Variants in ABHD17A observed in about 807,000 individuals in gnomAD.
ABHD17A encodes the protein alpha/beta hydrolase domain-containing protein 17A.
Under a neutral mutation model 26.8 loss-of-function variants are expected in ABHD17A, and 10 were observed. That is an observed-to-expected ratio of 0.37 (90% CI 0.23 to 0.63). The LOEUF (loss-of-function observed/expected upper bound fraction) is 0.63, where lower values mean the gene tolerates loss of function less well. Among genes scored for constraint, ABHD17A ranks in the 30% least tolerant of loss-of-function variants. The pLI is 0.61. For synonymous variants in ABHD17A, 167 were observed against 210.9 expected (o/e 0.79, Z 1.80); for missense variants, 292 against 457.3 (o/e 0.64, Z 3.30).
At chr19:1,878,626 C>G (rs879357488) in intron 3 of ABHD17A, 3 of 152,398 alleles carry the variant, frequency 2.0e-5, no homozygotes, top group Non-Finnish European at 4.4e-5. Context: ...GGCCTGGAAT[C>G]CCAGCCTCCT....
At chr19:1,884,610 G>A (rs1284818424) in intron 1 of ABHD17A, among the ~76,000 whole-genome samples, 1 of 152,152 alleles carries the variant, frequency 6.6e-6, no homozygotes, top group Non-Finnish European at 1.5e-5. Flanking sequence ...CCTGGGGGGA[G>A]GCGCGGCCAT....
Position 1,881,786 on chromosome 19 carries a change from T to C in ABHD17A, c.-220A>G, listed in dbSNP as rs946783208. ...GGAGCCTCGCAACCACAGGTCTCCA[T>C]GTCGTGCCGTGGGAAGCCCTGCGGG... On this transcript the variant is annotated 5_prime_UTR_variant, in exon 2 of 5. It removes an upstream start codon present in the reference 5' UTR. Transcript: ENST00000292577. 5 of 570,672 alleles carry C rather than the reference T, an allele frequency of 8.8e-6. No individual in the cohort carries two copies. The highest frequency in any genetic ancestry group is 1.4e-5 in the Non-Finnish European group (5 of 357,030). The allele number at this position is 570,672 out of a possible 1,614,324, so 35.4% of individuals were successfully genotyped here.
In ABHD17A at chr19:1,879,868, CT is replaced by C; in HGVS notation, c.527+52del. On this transcript the variant is annotated intron_variant, in intron 3 of 4. Transcript: ENST00000292577. The surrounding 1 kb of genome is among the most constrained non-coding windows in gnomAD (Gnocchi z 7.6). ...GGAAGCCCGCCCCCCGGCCCCCCGC[CT>C]GGTCCCCTCTTGGGTGTGCCCAGGC... 6.6e-7 allele frequency: 1 copy of C among 1,523,334 alleles called. No homozygotes were observed. Among genetic ancestry groups the C allele is most frequent in the Non-Finnish European group, 8.8e-7 (1 of 1,133,102 alleles). 94.4% of individuals were successfully genotyped at this position (1,523,334 alleles called of 1,614,324 possible).
At position 1,881,644 on chromosome 19, in the gene ABHD17A, G is replaced by C. The variant is rs1460145387; in HGVS notation, c.-78C>G. 2.1e-6 allele frequency: 3 copies of C among 1,416,728 alleles called. No homozygotes were observed. The highest frequency in any genetic ancestry group is 1.8e-6 in the Non-Finnish European group (2 of 1,095,876). 87.8% of individuals were successfully genotyped at this position (1,416,728 alleles called of 1,614,324 possible). On this transcript the variant is annotated 5_prime_UTR_variant, in exon 2 of 5. Transcript: ENST00000292577. ...CCCGGCCTGGCCCGGCAGGGGAGGG[G>C]TGGGGGTGCTCCGAGTCGCGGGCAG... is the stretch of plus-strand genomic sequence containing the variant.
In ABHD17A at chr19:1,881,634, C is replaced by G. The variant is rs376070469; in HGVS notation, c.-68G>C. On this transcript the variant is annotated 5_prime_UTR_variant, in exon 2 of 5. Transcript: ENST00000292577. ...AACAACGCCGCCCGGCCTGGCCCGG[C>G]AGGGGAGGGGTGGGGGTGCTCCGAG... 2.8e-6 allele frequency: 4 copies of G among 1,430,752 alleles called. No individual in the cohort carries two copies. Among genetic ancestry groups the G allele is most frequent in the Non-Finnish European group, 3.6e-6 (4 of 1,101,830 alleles). 88.6% of individuals were successfully genotyped at this position (1,430,752 alleles called of 1,614,324 possible).
At chr19:1,881,197 C>T (rs777156213) in intron 2 of ABHD17A, 38 bp downstream of exon 2, 8 of 1,608,620 alleles carry the variant, frequency 5.0e-6, no homozygotes, top group Middle Eastern at 2.2e-4. Flanking sequence ...GCCCCAAGAA[C>T]AGGGTGACCC....
Position 1,879,049 on chromosome 19 carries a change from T to C in ABHD17A, c.527+872A>G, listed in dbSNP as rs2396360. ...CATGAAGTGGTGATTGGTGTCAGCG[T>C]CCCACACTGCTGGGAGGCCCCCAGA... On this transcript the variant is annotated intron_variant, in intron 3 of 4. Coordinates refer to ENST00000292577, the MANE Select transcript of ABHD17A (RefSeq NM_001130111.2). The surrounding 1 kb of genome is among the most constrained non-coding windows in gnomAD (Gnocchi z 7.6). The C allele has an allele frequency of 2.6e-5, 4 of 152,292 alleles. No individual in the cohort carries two copies. The highest frequency in any genetic ancestry group is 9.7e-5 in the African/African-American group (4 of 41,438). 9.4% of individuals were successfully genotyped at this position (152,292 alleles called of 1,614,324 possible). A position where few individuals can be genotyped will look rare whatever the true frequency, so the allele number is the denominator to read the frequency against.
chr19:1,881,768 C>G lies in ABHD17A; in HGVS notation c.-202G>C, dbSNP rs988596415. ...GTCCAAGCCGAGCCCCAGGGAGCCT[C>G]GCAACCACAGGTCTCCATGTCGTGC... On this transcript the variant is annotated 5_prime_UTR_variant, in exon 2 of 5. Transcript: ENST00000292577. 1 of 636,540 alleles carries G rather than the reference C, an allele frequency of 1.6e-6. No homozygotes were observed. Among genetic ancestry groups the G allele is most frequent in the South Asian group, 2.6e-5 (1 of 38,586 alleles). The allele number at this position is 636,540 out of a possible 1,614,324, so 39.4% of individuals were successfully genotyped here.
At position 1,880,551 on chromosome 19, in the gene ABHD17A, G is replaced by A. The variant is rs1475659681; in HGVS notation, c.333-436C>T. On this transcript the variant is annotated intron_variant, in intron 2 of 4. Coordinates refer to ENST00000292577, the MANE Select transcript of ABHD17A (RefSeq NM_001130111.2). This position sits in a 1 kb window ranked among gnomAD's most constrained non-coding sequence, Gnocchi z 4.1. Reference sequence around the variant, plus strand: ...CCCACCTTTCAGGACCTTCCCAGGGGAGCCCATGCTGCTGCTGGCAGGGCT... The same window carrying A: ...CCCACCTTTCAGGACCTTCCCAGGGAAGCCCATGCTGCTGCTGGCAGGGCT... Among the ~76,000 whole-genome samples, 1 of 152,188 alleles carries A rather than the reference G, an allele frequency of 6.6e-6. No individual in the cohort carries two copies. Among genetic ancestry groups the A allele is most frequent in the African/African-American group, 2.4e-5 (1 of 41,438 alleles).
chr19:1,881,586 G>A lies in ABHD17A; in HGVS notation c.-20C>T, dbSNP rs537550458. 214 of 1,552,408 alleles carry A rather than the reference G, an allele frequency of 1.4e-4. 2 individuals carry two copies. In the South Asian group the frequency reaches 2.0e-3, roughly 15 times the overall value. On this transcript the variant is annotated 5_prime_UTR_variant, in exon 2 of 5. Coordinates refer to ENST00000292577, the MANE Select transcript of ABHD17A (RefSeq NM_001130111.2). ...ATTCATGGCGGGCGCCGCCCAGGCC[G>A]GGCCTCCACCGGGGCCCCCGCCAAC...
At position 1,881,634 on chromosome 19, in the gene ABHD17A, C is replaced by T. The variant is rs376070469; in HGVS notation, c.-68G>A. ...AACAACGCCGCCCGGCCTGGCCCGG[C>T]AGGGGAGGGGTGGGGGTGCTCCGAG... On this transcript the variant is annotated 5_prime_UTR_variant, in exon 2 of 5. Coordinates refer to ENST00000292577, the MANE Select transcript of ABHD17A (RefSeq NM_001130111.2). 1.4e-6 allele frequency: 2 copies of T among 1,430,864 alleles called. No homozygotes were observed. The highest frequency in any genetic ancestry group is 2.7e-5 in the East Asian group (1 of 36,560). 88.6% of individuals were successfully genotyped at this position (1,430,864 alleles called of 1,614,324 possible).
rs747035360 is a variant in ABHD17A at position 1,881,573 on chromosome 19, C to T, written c.-7G>A. 38 of 1,582,102 alleles carry T rather than the reference C, an allele frequency of 2.4e-5. No homozygotes were observed. The highest frequency in any genetic ancestry group is 2.3e-4 in the Middle Eastern group (1 of 4,388). On this transcript the variant is annotated 5_prime_UTR_variant, in exon 2 of 5. Coordinates refer to ENST00000292577, the MANE Select transcript of ABHD17A (RefSeq NM_001130111.2). ...TCAGCGACAGCCCATTCATGGCGGG[C>T]GCCGCCCAGGCCGGGCCTCCACCGG...
At chr19:1,881,176 C>T in intron 2 of ABHD17A, 59 bp downstream of exon 2, 1 of 1,600,078 alleles carries the variant, frequency 6.2e-7, no homozygotes, top group South Asian at 1.1e-5. Context: ...GCACCGCAGG[C>T]AGAAACGGGA....
intron 2 of ABHD17A, 90 bp downstream of exon 2, chr19:1,881,145 G>A (rs1456605432): frequency 1.5e-5 from 23 of 1,570,660 alleles, no homozygotes; most frequent in Middle Eastern, 4.2e-4. Flanking sequence ...GGGCCCTCGG[G>A]GGCACCACCA....
Position 1,880,034 on chromosome 19 carries a change from G to A in ABHD17A, c.414C>T (p.Leu138=), listed in dbSNP as rs762117498. Residue 138 remains leucine (L), a synonymous_variant, in exon 3 of 5, where the codon CTC becomes CTT. Transcript: ENST00000292577. The surrounding 1 kb of genome is among the most constrained non-coding windows in gnomAD (Gnocchi z 4.1). ...AGTCGTAGGAGAAGATGTTGCAGTG[G>A]AGGCGGGAGCCCAGGCCAATGTAGA... ...SSFYIGLGSR[L]HCNIFSYDYS... The A allele has an allele frequency of 1.2e-6, 2 of 1,613,130 alleles. No homozygotes were observed. The highest frequency in any genetic ancestry group is 4.5e-5 in the East Asian group (2 of 44,892).
intron 1 of ABHD17A, among the ~76,000 whole-genome samples, chr19:1,885,026 G>T (rs1330882842): frequency 6.6e-6 from 1 of 152,216 alleles, no homozygotes; most frequent in Non-Finnish European, 1.5e-5. Flanking sequence ...GCGAGAGGCC[G>T]AAGCGTTTGT....
chr19:1,884,608 G>A (rs1359345103), intron 1 of ABHD17A, among the ~76,000 whole-genome samples: 1 of 152,132 alleles, frequency 6.6e-6, no homozygotes, highest in Non-Finnish European at 1.5e-5. Flanking sequence ...CGCCTGGGGG[G>A]AGGCGCGGCC....
rs536953984 is a variant in ABHD17A, at chr19:1,881,248, C to T, written c.319G>A (p.Val107Met). The T allele has an allele frequency of 1.7e-5, 28 of 1,611,090 alleles. No homozygotes were observed. The highest frequency in any genetic ancestry group is 1.2e-4 in the Admixed American group (7 of 60,006). The change falls in exon 2 of 5, where the codon GTG (valine) becomes ATG (methionine). Residue 107 changes from valine (V) to methionine (M), a missense_variant. Transcript: ENST00000292577. Reference sequence around the variant, plus strand: ...ACAGCTGCTCACCTGGCACCAGGCACGCAGCGAACATACATGCAGGAGACG... The same window carrying T: ...ACAGCTGCTCACCTGGCACCAGGCATGCAGCGAACATACATGCAGGAGACG... Reference protein sequence around the residue: ...NRVSCMYVRCVPGARYTVLFS... With the variant: ...NRVSCMYVRCMPGARYTVLFS...
Position 1,877,185 on chromosome 19 carries a change from C to A in ABHD17A, c.*15G>T, listed in dbSNP as rs776088683. 246 of 1,379,938 alleles carry A rather than the reference C, an allele frequency of 1.8e-4. No homozygotes were observed. Among genetic ancestry groups the A allele is most frequent in the Non-Finnish European group, 2.2e-4 (227 of 1,020,900 alleles). 85.5% of individuals were successfully genotyped at this position (1,379,938 alleles called of 1,614,324 possible). On this transcript the variant is annotated 3_prime_UTR_variant, in exon 5 of 5. Transcript: ENST00000292577. ...GGCCGCCTTATTGCTGAGGTCCGGC[C>A]GGTTGGGGCCGCCGCTAGGCGCGCT...
Sources: gnomAD v4.1 joint callset for allele counts (sites outside exome capture counted in the v4.1 genomes callset) on GRCh38, gnomAD v4.1.1 for gene constraint, Gnocchi (gnomAD v3.1) non-coding constraint, MANE v1.5 for transcripts, NCBI Gene and HGNC (gene_info 2026-07-23, HGNC 2026-07-21) for gene names.